Variants in PUM1 observed in about 807,000 individuals in gnomAD.
The protein encoded by PUM1 is pumilio RNA binding family member 1, also known as pumilio homolog 1.
A neutral mutation model predicts 131.8 loss-of-function variants in PUM1; 13 were observed. The ratio of observed to expected loss-of-function variants is 0.10; its 90% confidence interval spans 0.06 to 0.16. The LOEUF is 0.16. PUM1 is among the 10% of genes least tolerant of loss of function. The pLI, the probability that PUM1 is intolerant of heterozygous loss-of-function variation, is 1.00. For synonymous variants in PUM1, 509 were observed against 556.5 expected (o/e 0.91, Z 1.20); for missense variants, 961 against 1,512.4 (o/e 0.64, Z 6.05).
chr1:31,038,148 G>A (rs1228174637), intron 2 of PUM1, among the ~76,000 whole-genome samples: 8 of 151,336 alleles, frequency 5.3e-5, no homozygotes, highest in Admixed American at 5.3e-4. Flanking sequence ...ATGGCCAAAT[G>A]GGTGGATACC....
At chr1:31,020,242 A>G (rs947763835) in intron 3 of PUM1, among the ~76,000 whole-genome samples, 7 of 152,162 alleles carry the variant, frequency 4.6e-5, no homozygotes, top group African/African-American at 1.4e-4. Flanking sequence ...AAAGGACATA[A>G]TTTCATTCTT....
intron 16 of PUM1, among the ~76,000 whole-genome samples, chr1:30,951,180 C>T (rs1348329421): frequency 1.3e-5 from 2 of 152,212 alleles, no homozygotes; most frequent in Non-Finnish European, 2.9e-5. Context: ...AGTTCTCAAG[C>T]TTGGTCCAAA....
chr1:30,933,532 T>C (rs1197448184), intron 21 of PUM1, among the ~76,000 whole-genome samples, 190 bp from the exon 22 acceptor site: 1 of 151,576 alleles, frequency 6.6e-6, no homozygotes, highest in Non-Finnish European at 1.5e-5. Context: ...CCCTGACTTC[T>C]AGCACTTTGG....
intron 16 of PUM1, 77 bp downstream of exon 16, chr1:30,952,157 T>C (rs1157784546): frequency 7.0e-7 from 1 of 1,435,618 alleles, no homozygotes; most frequent in Non-Finnish European, 9.8e-7. Flanking sequence ...GGGACTGCTA[T>C]GCTTAAAAAG....
At position 31,060,902 on chromosome 1, in the gene PUM1, A is replaced by T. The variant is rs1017120550; in HGVS notation, c.-11-1325T>A. ...CTCTGTTTCAGTAAAAAAAAAAAAA[A>T]TAATAAATAAATAAATAAATAAAAC... is the stretch of plus-strand genomic sequence containing the variant. On this transcript the variant is annotated intron_variant, in intron 1 of 21. Coordinates refer to ENST00000426105, the MANE Select transcript of PUM1 (RefSeq NM_001020658.2). Among the ~76,000 whole-genome samples, 6 of 151,194 alleles carry T rather than the reference A, an allele frequency of 4.0e-5. No individual in the cohort carries two copies. The South Asian group carries it at 8.3e-4, about 21-fold the overall frequency.
At chr1:30,994,805 C>A (rs1173222964) in intron 6 of PUM1, among the ~76,000 whole-genome samples, 1 of 152,174 alleles carries the variant, frequency 6.6e-6, no homozygotes, top group East Asian at 1.9e-4. Context: ...TGGAATCTTT[C>A]TTCAGATTTT....
intron 3 of PUM1, among the ~76,000 whole-genome samples, chr1:31,018,954 C>T (rs1260879196): frequency 6.6e-6 from 1 of 152,170 alleles, no homozygotes; most frequent in African/African-American, 2.4e-5. Flanking sequence ...TTTATGCATT[C>T]AAAGGGTATT....
chr1:30,994,921 G>T, intron 6 of PUM1, 133 bp downstream of exon 6: 2 of 947,368 alleles, frequency 2.1e-6, no homozygotes, highest in Non-Finnish European at 3.1e-6. Flanking sequence ...TTGTAGCATA[G>T]CCTACACTAG....
At chr1:30,997,722 T>C (rs2124494743) in intron 5 of PUM1, among the ~76,000 whole-genome samples, 1 of 152,196 alleles carries the variant, frequency 6.6e-6, no homozygotes, top group East Asian at 1.9e-4. Flanking sequence ...TGGTGTTTTT[T>C]AAGACGGAAT....
rs929446206 is a variant in PUM1 at position 30,995,214 on chromosome 1, T to G, written c.727A>C (p.Arg243=). 1 of 1,613,476 alleles carries G rather than the reference T, an allele frequency of 6.2e-7. No individual in the cohort carries two copies. The highest frequency in any genetic ancestry group is 8.5e-7 in the Non-Finnish European group (1 of 1,179,822). ...TCGTTTTCATCACTGTCTGCATCCC[T>G]TGGGCCCTGTTTAAAAAATAGCTTC... ...SCLRKGGFGP[R]DADSDENDKG... Residue 243 remains arginine (R), a synonymous_variant, in exon 6 of 22, where the codon AGG becomes CGG. Coordinates refer to ENST00000426105, the MANE Select transcript of PUM1 (RefSeq NM_001020658.2).
At chr1:30,982,213 A>T (rs1348921886) in intron 7 of PUM1, 1 of 152,250 alleles carries the variant, frequency 6.6e-6, no homozygotes, top group Non-Finnish European at 1.5e-5. Flanking sequence ...CAACACTAAG[A>T]ATGTCTTACG....
chr1:31,006,785 A>C (rs1373581679), intron 4 of PUM1, among the ~76,000 whole-genome samples: 1 of 152,240 alleles, frequency 6.6e-6, no homozygotes. Context: ...TGTGGCTAGC[A>C]CTTCAAAAAA....
intron 12 of PUM1, among the ~76,000 whole-genome samples, chr1:30,966,565 A>G (rs1053950988): frequency 6.6e-5 from 10 of 152,168 alleles, no homozygotes; most frequent in African/African-American, 2.4e-4. Flanking sequence ...AAATACAACT[A>G]CTTCCTAAAA....
intron 3 of PUM1, among the ~76,000 whole-genome samples, chr1:31,012,993 G>T (rs1389472896): frequency 6.6e-6 from 1 of 152,122 alleles, no homozygotes; most frequent in Non-Finnish European, 1.5e-5. Flanking sequence ...CACATGTAAT[G>T]ACATAATACA....
intron 5 of PUM1, among the ~76,000 whole-genome samples, chr1:30,997,525 G>T (rs1040931389): frequency 7.2e-6 from 1 of 139,446 alleles, no homozygotes; most frequent in Non-Finnish European, 1.6e-5. Context: ...TTAAAGGAAA[G>T]AAAGGAGGAT....
intron 10 of PUM1, among the ~76,000 whole-genome samples, chr1:30,968,795 T>A (rs939252768): frequency 2.0e-5 from 3 of 152,174 alleles, no homozygotes; most frequent in African/African-American, 7.2e-5. Flanking sequence ...GACAATTAAG[T>A]TAAAAGATGA....
chr1:31,053,357 A>T (rs12061461), intron 2 of PUM1, among the ~76,000 whole-genome samples: 42,744 of 144,524 alleles, frequency 0.3, 7,875 homozygotes, highest in East Asian at 0.59. Flanking sequence ...AAAAAAAAAA[A>T]TTTTTTTCAT....
Position 31,056,609 on chromosome 1 carries a change from C to CTTTTCTTTTT in PUM1, c.363+2594_363+2595insAAAAAGAAAA, listed in dbSNP as rs1644245029. Among the ~76,000 whole-genome samples, 13 of 43,714 alleles carry CTTTTCTTTTT rather than the reference C, an allele frequency of 3.0e-4. 1 individual carries two copies. Among genetic ancestry groups the CTTTTCTTTTT allele is most frequent in the Non-Finnish European group, 4.8e-4 (12 of 24,878 alleles). 28.7% of individuals were successfully genotyped at this position (43,714 alleles called of 152,430 possible). ...CAGCTGAAAACCTTCCTTTTCTTTT[C>CTTTTCTTTTT]TTTTTTTTTTTTTTTTTTTTTTTTT... On this transcript the variant is annotated intron_variant, in intron 2 of 21. Transcript: ENST00000426105.
intron 17 of PUM1, chr1:30,949,030 G>A: frequency 2.2e-6 from 1 of 456,542 alleles, no homozygotes; most frequent in Non-Finnish European, 4.4e-6. Context: ...AAAAACTTTG[G>A]ACTTCTTCAG....
Sources: gnomAD v4.1 joint callset for allele counts (sites outside exome capture counted in the v4.1 genomes callset) on GRCh38, gnomAD v4.1.1 for gene constraint, MANE v1.5 for transcripts, NCBI Gene and HGNC (gene_info 2026-07-23, HGNC 2026-07-21) for gene names.